CNBD1: variants seen among roughly 807,000 people sequenced by gnomAD.
The protein encoded by CNBD1 is cyclic nucleotide binding domain containing 1, also known as cyclic nucleotide-binding domain-containing protein 1.
CNBD1 carries 71 observed loss-of-function variants against 54.4 expected under a neutral mutation model. The ratio of observed to expected loss-of-function variants is 1.30; its 90% confidence interval spans 1.08 to 1.59. The LOEUF is 1.59. Ranked by LOEUF, CNBD1 falls within the 40% of genes most tolerant of loss-of-function variation. CNBD1 has a pLI of 0.00. For synonymous variants in CNBD1, 182 were observed against 170.7 expected, an observed-to-expected ratio of 1.07 and a Z score of -0.51; for missense variants, 659 against 518.0, an observed-to-expected ratio of 1.27 and a Z score of -2.64.
At chr8:87,391,241 T>TA (rs111871869) in intron 2 of CNBD1, among the ~76,000 whole-genome samples, 2,411 of 151,556 alleles carry the variant, frequency 0.016, 69 homozygotes, top group African/African-American at 0.053. Flanking sequence ...TAAAGTATAA[T>TA]AAAAAAAAGA....
intron 8 of CNBD1, among the ~76,000 whole-genome samples, chr8:87,301,210 A>C (rs1466515702): frequency 2.0e-5 from 3 of 152,168 alleles, no homozygotes; most frequent in African/African-American, 4.8e-5. Flanking sequence ...GGTAATTTAA[A>C]AATTGCCAAC....
At chr8:87,097,867 A>G (rs1811350820) in intron 4 of CNBD1, among the ~76,000 whole-genome samples, 1 of 152,204 alleles carries the variant, frequency 6.6e-6, no homozygotes, top group South Asian at 2.1e-4. Context: ...GTCAGATTCC[A>G]CTGGAGTCAT....
chr8:87,379,575 T>C (rs1672347101), intron 10 of CNBD1, among the ~76,000 whole-genome samples: 1 of 151,882 alleles, frequency 6.6e-6, no homozygotes, highest in Non-Finnish European at 1.5e-5. Flanking sequence ...AAATAGATCT[T>C]GATGACTAGA....
At chr8:87,057,715 G>A (rs570987647) in intron 4 of CNBD1, among the ~76,000 whole-genome samples, 1 of 152,102 alleles carries the variant, frequency 6.6e-6, no homozygotes, top group Admixed American at 6.6e-5. Context: ...TGGGCATGGT[G>A]GTACATACCT....
chr8:87,060,175 C>T lies in CNBD1; in HGVS notation c.431+120421C>T, dbSNP rs539738293. ...GCCTCCAGATGAGAATCTAGCCCAA[C>T]TGACACCTTGATGTTAGCCTTGTGA... On this transcript the variant is annotated intron_variant, in intron 4 of 10. Coordinates refer to ENST00000518476, the MANE Select transcript of CNBD1 (RefSeq NM_173538.3). Among the ~76,000 whole-genome samples, 10 of 152,330 alleles carry T rather than the reference C, an allele frequency of 6.6e-5. No homozygotes were observed. In the South Asian group the frequency reaches 1.2e-3, roughly 19 times the overall value.
intron 4 of CNBD1, among the ~76,000 whole-genome samples, chr8:86,986,486 T>A (rs1239738487): frequency 5.3e-5 from 8 of 152,114 alleles, no homozygotes; most frequent in Non-Finnish European, 8.8e-5. Context: ...TTTAGTAGTT[T>A]CTTACGCTGT....
chr8:87,383,366 C>T (rs1484659892), downstream of CNBD1, among the ~76,000 whole-genome samples: 4 of 151,986 alleles, frequency 2.6e-5, no homozygotes, highest in Admixed American at 6.6e-5. Flanking sequence ...GGGGGAAAAC[C>T]GTACGTTTAT....
chr8:87,280,404 A>T (rs1808576593), intron 6 of CNBD1, among the ~76,000 whole-genome samples: 1 of 151,602 alleles, frequency 6.6e-6, no homozygotes, highest in Non-Finnish European at 1.5e-5. Flanking sequence ...ACAAATAATC[A>T]CAAACTATGG....
At chr8:86,901,559 A>T (rs1808932934) in intron 2 of CNBD1, among the ~76,000 whole-genome samples, 1 of 152,170 alleles carries the variant, frequency 6.6e-6, no homozygotes, top group Non-Finnish European at 1.5e-5. Flanking sequence ...ATAAACACTA[A>T]ATCTCAGTAG....
At chr8:87,041,345 A>G (rs1185345494) in intron 4 of CNBD1, among the ~76,000 whole-genome samples, 1 of 152,174 alleles carries the variant, frequency 6.6e-6, no homozygotes, top group Non-Finnish European at 1.5e-5. Context: ...GTTGTGGTGC[A>G]GAACTAAGGG....
In CNBD1 at chr8:87,204,782, C is replaced by T. The variant is rs530188379; in HGVS notation, c.432-1211C>T. On this transcript the variant is annotated intron_variant, in intron 4 of 10. Transcript: ENST00000518476. Reference sequence around the variant, plus strand: ...TGTGATATTATTTCCTTGCCACCTCCTGTTTGGCTGCTAAGTCAATGGCAC... The same window carrying T: ...TGTGATATTATTTCCTTGCCACCTCTTGTTTGGCTGCTAAGTCAATGGCAC... 2.6e-5 allele frequency among the ~76,000 whole-genome samples: 4 copies of T among 152,242 alleles called. No individual in the cohort carries two copies. In the South Asian group the frequency reaches 8.3e-4, roughly 32 times the overall value.
chr8:87,196,324 ACT>A (rs1454644604), intron 4 of CNBD1, among the ~76,000 whole-genome samples: 21 of 152,278 alleles, frequency 1.4e-4, no homozygotes, highest in African/African-American at 5.1e-4. Context: ...GTTTTGGGTT[ACT>A]CTTCAACTGA....
intron 6 of CNBD1, among the ~76,000 whole-genome samples, chr8:87,275,619 C>T (rs1431167606): frequency 6.6e-6 from 1 of 151,578 alleles, no homozygotes; most frequent in Non-Finnish European, 1.5e-5. Flanking sequence ...CAATATCATA[C>T]TGAATGGGCA....
At chr8:86,982,663 A>G (rs1197485792) in intron 4 of CNBD1, among the ~76,000 whole-genome samples, 1 of 152,218 alleles carries the variant, frequency 6.6e-6, no homozygotes, top group African/African-American at 2.4e-5. Context: ...TTCCTATGCC[A>G]GCATAACATT....
intron 2 of CNBD1, among the ~76,000 whole-genome samples, chr8:87,424,798 C>G (rs181258619): frequency 6.6e-6 from 1 of 152,212 alleles, no homozygotes; most frequent in East Asian, 1.9e-4. Context: ...AATTATGTGT[C>G]TTGGAGTTGC....
chr8:86,960,023 C>T lies in CNBD1; in HGVS notation c.431+20269C>T, dbSNP rs112524215. Among the ~76,000 whole-genome samples, 30 of 152,022 alleles carry T rather than the reference C, an allele frequency of 2.0e-4. No homozygotes were observed. In the East Asian group the frequency reaches 3.3e-3, roughly 17 times the overall value. ...TTGGTCTTTGATGATGGTGACCTAC[C>T]GATGTGGCCAAATGGGAACAGCTCC... On this transcript the variant is annotated intron_variant, in intron 4 of 10. Transcript: ENST00000518476.
At position 87,054,451 on chromosome 8, in the gene CNBD1, C is replaced by G. The variant is rs1470385295; in HGVS notation, c.431+114697C>G. Among the ~76,000 whole-genome samples the G allele has an allele frequency of 3.3e-5, 5 of 152,252 alleles. No homozygotes were observed. In the East Asian group the frequency reaches 9.6e-4, roughly 29 times the overall value. ...TTGAGAGATAAATAGGTCTTTAGAT[C>G]CAAGTCTTGGAATCTCCCTGTTTCA... is the stretch of plus-strand genomic sequence containing the variant. On this transcript the variant is annotated intron_variant, in intron 4 of 10. Transcript: ENST00000518476.
At chr8:87,412,029 T>G (rs1807755195) in intron 2 of CNBD1, among the ~76,000 whole-genome samples, 1 of 152,042 alleles carries the variant, frequency 6.6e-6, no homozygotes, top group African/African-American at 2.4e-5. Flanking sequence ...TTAGTGCTTT[T>G]GGGGCACAAA....
At chr8:86,934,182 C>T (rs1184513771) in intron 3 of CNBD1, among the ~76,000 whole-genome samples, 1 of 152,068 alleles carries the variant, frequency 6.6e-6, no homozygotes, top group Non-Finnish European at 1.5e-5. Flanking sequence ...CAAAGTAGGT[C>T]CCCCATTTTT....
Sources: allele counts gnomAD v4.1 joint callset (sites outside exome capture counted in the v4.1 genomes callset), GRCh38; gene constraint gnomAD v4.1.1; transcripts MANE v1.5; gene names NCBI Gene and HGNC (gene_info 2026-07-23, HGNC 2026-07-21).